The following PARD3B variants were observed in gnomAD, a reference collection of about 807,000 sequenced individuals.
The protein encoded by PARD3B is par-3 family cell polarity regulator beta.
Under a neutral mutation model 130.2 loss-of-function variants are expected in PARD3B, and 103 were observed. The observed-to-expected ratio is 0.79, with a 90% confidence interval of 0.67 to 0.93. PARD3B has a LOEUF of 0.93. PARD3B is among the 40% of genes least tolerant of loss of function. The pLI, the probability that PARD3B is intolerant of heterozygous loss-of-function variation, is 0.00. For missense variants in PARD3B, 1,609 were observed against 1,499.2 expected, an observed-to-expected ratio of 1.07 and a Z score of -1.21; for synonymous variants, 583 against 553.2, an observed-to-expected ratio of 1.05 and a Z score of -0.76.
At chr2:205,347,781 C>T (rs984462101) in intron 18 of PARD3B, 2 of 152,100 alleles carry the variant, frequency 1.3e-5, no homozygotes, top group African/African-American at 4.8e-5. Context: ...TTGCCGGTTG[C>T]CTGGTGATTT....
At chr2:204,935,581 T>C (rs1246748517) in intron 2 of PARD3B, among the ~76,000 whole-genome samples, 1 of 151,388 alleles carries the variant, frequency 6.6e-6, no homozygotes, top group Non-Finnish European at 1.5e-5. Flanking sequence ...TATATTTATA[T>C]AGTACATATA....
At chr2:205,206,391 A>G (rs2037312507) in intron 15 of PARD3B, among the ~76,000 whole-genome samples, 1 of 89,716 alleles carries the variant, frequency 1.1e-5, no homozygotes. Flanking sequence ...AACAGTCCCC[A>G]GAGTGTGATA....
chr2:205,106,512 TG>T (rs1703229838), intron 5 of PARD3B, among the ~76,000 whole-genome samples: 1 of 151,622 alleles, frequency 6.6e-6, no homozygotes, highest in Non-Finnish European at 1.5e-5. Context: ...TGTGTGTGTG[TG>T]TGTGTGTGTG....
At chr2:204,895,326 AAGG>A (rs2046602339) in intron 2 of PARD3B, among the ~76,000 whole-genome samples, 1 of 152,112 alleles carries the variant, frequency 6.6e-6, no homozygotes, top group African/African-American at 2.4e-5. Flanking sequence ...ACTTTAAGAA[AAGG>A]ATACTTATCC....
intron 2 of PARD3B, among the ~76,000 whole-genome samples, chr2:204,766,968 T>TTC (rs1249811655): frequency 7.2e-6 from 1 of 138,808 alleles, no homozygotes; most frequent in Non-Finnish European, 1.6e-5. Context: ...TCTTTTTCTT[T>TTC]TTTTTTTTTT....
chr2:204,702,313 T>C (rs1300183377), intron 2 of PARD3B, among the ~76,000 whole-genome samples: 1 of 152,218 alleles, frequency 6.6e-6, no homozygotes, highest in Non-Finnish European at 1.5e-5. Context: ...CTTTGAGAAA[T>C]TTCCAGAGTG....
chr2:204,909,350 G>A (rs1012483447), intron 2 of PARD3B, among the ~76,000 whole-genome samples: 1 of 151,992 alleles, frequency 6.6e-6, no homozygotes, highest in Non-Finnish European at 1.5e-5. Flanking sequence ...ATTTGTTAAT[G>A]GTTCAAAAAA....
rs139853011 is a variant in PARD3B, at chr2:205,478,619, C to T, written c.3045-21277C>T. 4.8e-3 allele frequency among the ~76,000 whole-genome samples: 725 copies of T among 151,254 alleles called. 8 individuals carry two copies. The highest frequency in any genetic ancestry group is 0.02 in the Middle Eastern group (6 of 294). On this transcript the variant is annotated intron_variant, in intron 20 of 22. Transcript: ENST00000406610. ...GTCCTGCTCAAGATTTCAGCTACCTCGGCAGAGTGCTAGAAAGCGATATGC... is the reference window on the plus strand; with the variant it reads ...GTCCTGCTCAAGATTTCAGCTACCTTGGCAGAGTGCTAGAAAGCGATATGC...
intron 6 of PARD3B, 105 bp from the exon 7 acceptor site, chr2:205,118,816 C>G: frequency 2.2e-6 from 2 of 891,684 alleles, no homozygotes; most frequent in Non-Finnish European, 3.1e-6. Flanking sequence ...AGTAAAATTT[C>G]TTTTGTAAAT....
chr2:205,039,663 T>A (rs1698255785), intron 3 of PARD3B, among the ~76,000 whole-genome samples: 2 of 151,908 alleles, frequency 1.3e-5, no homozygotes, highest in African/African-American at 4.8e-5. Context: ...AGAGATGGGG[T>A]TTTGTCATGT....
chr2:205,570,145 G>A (rs370337160), intron 22 of PARD3B, among the ~76,000 whole-genome samples: 10 of 152,234 alleles, frequency 6.6e-5, no homozygotes, highest in South Asian at 6.2e-4. Flanking sequence ...TCTTAATCTG[G>A]GATCTGTGCA....
rs75692283 is a variant in PARD3B at position 205,064,840 on chromosome 2, T to C, written c.504+17150T>C. 2.8e-3 allele frequency among the ~76,000 whole-genome samples: 423 copies of C among 152,258 alleles called. 19 individuals are homozygous for C. The East Asian group carries it at 0.068, about 25-fold the overall frequency. On this transcript the variant is annotated intron_variant, in intron 4 of 22. Transcript: ENST00000406610. ...CACAGCAACAAAGATGTGTAAGTCA[T>C]GTTGGGTAGAGGAAGACCTTTCTGG...
intron 2 of PARD3B, among the ~76,000 whole-genome samples, chr2:204,888,005 A>G (rs1401880869): frequency 6.6e-6 from 1 of 152,108 alleles, no homozygotes; most frequent in Non-Finnish European, 1.5e-5. Context: ...TCATTGGTGA[A>G]GTGTCAAGAT....
intron 20 of PARD3B, among the ~76,000 whole-genome samples, chr2:205,451,245 G>A (rs1213221850): frequency 6.6e-6 from 1 of 152,208 alleles, no homozygotes; most frequent in African/African-American, 2.4e-5. Flanking sequence ...GGAGAAAGGG[G>A]CAAATGGCCA....
intron 2 of PARD3B, among the ~76,000 whole-genome samples, chr2:204,784,728 A>T (rs1326706786): frequency 6.6e-6 from 1 of 152,200 alleles, no homozygotes; most frequent in East Asian, 1.9e-4. Context: ...TACAAATGTG[A>T]CTTTGGTACC....
intron 22 of PARD3B, among the ~76,000 whole-genome samples, chr2:205,573,976 A>G (rs2053651737): frequency 6.6e-6 from 1 of 152,220 alleles, no homozygotes; most frequent in Admixed American, 6.5e-5. Context: ...TATGGAAGAA[A>G]TTATATATTG....
In PARD3B at chr2:205,401,008, A is replaced by T; in HGVS notation, c.2631-5A>T. The stretch of plus-strand genomic sequence containing the variant: ...TTAACAGCCTTCTCCTTCACGTTTC[A>T]CTAGATTTGGAAAGAAGAAAGAGGA... On this transcript the variant is annotated splice_region_variant and splice_polypyrimidine_tract_variant and intron_variant, in intron 18 of 22. Coordinates refer to ENST00000406610, the MANE Select transcript of PARD3B (RefSeq NM_001302769.2). The T allele has an allele frequency of 6.3e-7, 1 of 1,583,308 alleles. No homozygotes were observed. Among genetic ancestry groups the T allele is most frequent in the Non-Finnish European group, 8.6e-7 (1 of 1,161,534 alleles).
intron 4 of PARD3B, among the ~76,000 whole-genome samples, chr2:205,059,222 T>G (rs1460923996): frequency 6.6e-6 from 1 of 152,066 alleles, no homozygotes; most frequent in African/African-American, 2.4e-5. Flanking sequence ...GGCACCACTG[T>G]TGAAACTCAT....
chr2:205,424,553 T>G (rs993094969), intron 19 of PARD3B, among the ~76,000 whole-genome samples: 13 of 152,052 alleles, frequency 8.5e-5, no homozygotes, highest in African/African-American at 2.2e-4. Context: ...CTTTGAGAGA[T>G]AAAGATCAAA....
Sources: gnomAD v4.1 joint callset for allele counts (sites outside exome capture counted in the v4.1 genomes callset) on GRCh38, gnomAD v4.1.1 for gene constraint, MANE v1.5 for transcripts, NCBI Gene and HGNC (gene_info 2026-07-23, HGNC 2026-07-21) for gene names.